The following MAPK8IP3 variants were observed in gnomAD, a reference collection of about 807,000 sequenced individuals.
The protein encoded by MAPK8IP3 is mitogen-activated protein kinase 8 interacting protein 3.
In MAPK8IP3, 49 loss-of-function variants were observed where a neutral mutation model predicts 157.8. The ratio of observed to expected loss-of-function variants is 0.31; its 90% CI spans 0.25 to 0.39. MAPK8IP3 has a LOEUF of 0.39. MAPK8IP3 is among the 10% of genes least tolerant of loss of function. The pLI, the probability that MAPK8IP3 is intolerant of heterozygous loss-of-function variation, is 1.00. For missense variants in MAPK8IP3, 1,478 were observed against 1,889.4 expected (o/e 0.78, Z 4.04); for synonymous variants, 897 against 777.7 (o/e 1.15, Z -2.55).
In MAPK8IP3 at chr16:1,760,556, G is replaced by A. The variant is rs760834101; in HGVS notation, c.1457+24G>A. 10 of 1,599,420 alleles carry A rather than the reference G, an allele frequency of 6.3e-6. No homozygotes were observed. In the South Asian group the frequency reaches 1.0e-4, roughly 16 times the overall value. ...AGGTGAGGGCAGGGCATGGAAAGCT[G>A]GTCAGAGAGGGACCCCGGCCTCAGG... On this transcript the variant is annotated intron_variant, in intron 12 of 31. Coordinates refer to ENST00000610761, the MANE Select transcript of MAPK8IP3 (RefSeq NM_001318852.2).
intron 4 of MAPK8IP3, among the ~76,000 whole-genome samples, chr16:1,731,398 G>A (rs1298670519): frequency 6.6e-6 from 1 of 152,246 alleles, no homozygotes. Flanking sequence ...ACATTAGGGA[G>A]AAACGGGAGT....
intron 1 of MAPK8IP3, among the ~76,000 whole-genome samples, chr16:1,708,721 G>T (rs1041352637): frequency 6.6e-6 from 1 of 152,094 alleles, no homozygotes; most frequent in Admixed American, 6.5e-5. Flanking sequence ...AAGCTGCACC[G>T]AGAGCTTCGG....
At chr16:1,707,562 CTTCA>C (rs1417237413) in intron 1 of MAPK8IP3, 1 of 152,310 alleles carries the variant, frequency 6.6e-6, no homozygotes, top group Non-Finnish European at 1.5e-5. Context: ...CACCACTTAG[CTTCA>C]TTCATTCACC....
Position 1,767,195 on chromosome 16 carries a change from C to A in MAPK8IP3, c.3135C>A (p.His1045Gln). The change falls in exon 26 of 32, where the codon CAC becomes CAA. Residue 1045 changes from histidine to glutamine, a missense_variant. Coordinates refer to ENST00000610761, the MANE Select transcript of MAPK8IP3 (RefSeq NM_001318852.2). The stretch of plus-strand genomic sequence containing the variant: ...ACTATCACCTAATGGACCTGGGCCA[C>A]CCGCACCACTCCATCCGCTGCATGG... The part of the protein sequence containing the change: ...LSNYHLMDLG[H>Q]PHHSIRCMAV... The A allele has an allele frequency of 1.2e-6, 2 of 1,613,360 alleles. No individual in the cohort carries two copies. The highest frequency in any genetic ancestry group is 2.2e-5 in the South Asian group (2 of 91,088).
Position 1,768,485 on chromosome 16 carries a change from C to T in MAPK8IP3, c.3751C>T (p.Leu1251=), listed in dbSNP as rs1193784616. The change falls in exon 31 of 32, where the codon CTG becomes TTG. Residue 1251 remains leucine (L), a synonymous_variant. Transcript: ENST00000610761. The stretch of plus-strand genomic sequence containing the variant: ...CGCTTCTGCCATCCCAGGGAACGTG[C>T]TGGCCACCCTGAATGGGAGTGTGCT... ...KFFVSVPGNV[L]ATLNGSVLDS... is the part of the protein sequence containing the mutation. 5.8e-6 allele frequency: 9 copies of T among 1,563,452 alleles called. No homozygotes were observed. Among genetic ancestry groups the T allele is most frequent in the Non-Finnish European group, 7.8e-6 (9 of 1,158,716 alleles).
At chr16:1,737,982 C>T (rs1180321771) in intron 4 of MAPK8IP3, among the ~76,000 whole-genome samples, 5 of 45,174 alleles carry the variant, frequency 1.1e-4, no homozygotes, top group African/African-American at 5.3e-4. Flanking sequence ...GTGTGACCGT[C>T]CGTGTGACCA....
chr16:1,709,708 C>T (rs2037640686), intron 1 of MAPK8IP3, among the ~76,000 whole-genome samples: 1 of 152,258 alleles, frequency 6.6e-6, no homozygotes, highest in South Asian at 2.1e-4. Flanking sequence ...CCTCCACACG[C>T]ACCGTCCGGT....
chr16:1,751,364 CAGA>C lies in MAPK8IP3; in HGVS notation c.1216+2649_1216+2651del, dbSNP rs2041278442. ...ATCCCAGCTACTCGGGAGACTGAGG[CAGA>C]AGAATTGTTTGAACCCAGGAAGCGG... On this transcript the variant is annotated intron_variant, in intron 8 of 31. Coordinates refer to ENST00000610761, the MANE Select transcript of MAPK8IP3 (RefSeq NM_001318852.2). This position sits in a 1 kb window ranked among gnomAD's most constrained non-coding sequence, Gnocchi z 5.0. Among the ~76,000 whole-genome samples, 2 of 152,168 alleles carry C rather than the reference CAGA, an allele frequency of 1.3e-5. No individual in the cohort carries two copies. The highest frequency in any genetic ancestry group is 2.9e-5 in the Non-Finnish European group (2 of 68,020).
chr16:1,706,350 T>C lies in MAPK8IP3; in HGVS notation c.11T>C (p.Ile4Thr), dbSNP rs1307928549. The C allele has an allele frequency of 1.9e-6, 3 of 1,588,540 alleles. No homozygotes were observed. The highest frequency in any genetic ancestry group is 2.6e-6 in the Non-Finnish European group (3 of 1,168,698). ...GCGGCGGTGGCCGCGATGATGGAGATCCAGATGGACGAGGGCGGCGGCGTG... is the reference window on the plus strand; with the variant it reads ...GCGGCGGTGGCCGCGATGATGGAGACCCAGATGGACGAGGGCGGCGGCGTG... MME[I>T]QMDEGGGVVV... Residue 4 changes from isoleucine to threonine, a missense_variant, in exon 1 of 32, where the codon ATC becomes ACC. Ile to Thr is a moderately conservative substitution (Grantham distance 89). Coordinates refer to ENST00000610761, the MANE Select transcript of MAPK8IP3 (RefSeq NM_001318852.2). The surrounding 1 kb of genome is among the most constrained non-coding windows in gnomAD (Gnocchi z 5.1).
Position 1,767,626 on chromosome 16 carries a change from T to C in MAPK8IP3, c.3300T>C (p.Asp1100=). The C allele has an allele frequency of 6.2e-7, 1 of 1,612,566 alleles. No individual in the cohort carries two copies. Among genetic ancestry groups the C allele is most frequent in the Non-Finnish European group, 8.5e-7 (1 of 1,179,952 alleles). ...TGCGGCAGCTGGCGTGGATCGGCGATGGCGTATGGGTGTCCATCCGCCTGG... is the reference window on the plus strand; with the variant it reads ...TGCGGCAGCTGGCGTGGATCGGCGACGGCGTATGGGTGTCCATCCGCCTGG... ...SQVRQLAWIG[D]GVWVSIRLDS... Residue 1100 remains aspartate, a synonymous_variant, in exon 27 of 32, where the codon GAT becomes GAC. Transcript: ENST00000610761.
chr16:1,752,535 G>A (rs1007754437), intron 8 of MAPK8IP3: 2 of 345,378 alleles, frequency 5.8e-6, no homozygotes, highest in Non-Finnish European at 1.2e-5. Context: ...CTGCGCCTAG[G>A]AGTTCAAGAC....
rs779814924 is a variant in MAPK8IP3 at position 1,766,255 on chromosome 16, C to T, written c.2665C>T (p.Pro889Ser). The change falls in exon 22 of 32, where the codon CCG (proline) becomes TCG (serine). Residue 889 changes from proline (P) to serine (S), a missense_variant. Coordinates refer to ENST00000610761, the MANE Select transcript of MAPK8IP3 (RefSeq NM_001318852.2). ...VATIANGKVN[P>S]SQSTEEATEA... ...CACCATCGCCAACGGGAAGGTCAAC[C>T]CGTCCCAGTCCACAGAGGAGGCCAC... is the stretch of plus-strand genomic sequence containing the variant. 8 of 1,611,938 alleles carry T rather than the reference C, an allele frequency of 5.0e-6. No homozygotes were observed. The African/African-American group carries it at 6.7e-5, about 13-fold the overall frequency.
intron 5 of MAPK8IP3, chr16:1,746,177 C>G (rs1233493728): frequency 6.6e-6 from 1 of 152,278 alleles, no homozygotes; most frequent in Non-Finnish European, 1.5e-5. Context: ...GGGCCACGGG[C>G]AAGCTCTGCC....
chr16:1,756,409 T>TGGGGAGG (rs2041599990), intron 8 of MAPK8IP3, among the ~76,000 whole-genome samples: 2 of 151,478 alleles, frequency 1.3e-5, no homozygotes, highest in Admixed American at 1.3e-4. Flanking sequence ...GGGAGGCTGA[T>TGGGGAGG]GGGGAGGATT....
At chr16:1,709,773 C>G (rs1161478418) in intron 1 of MAPK8IP3, among the ~76,000 whole-genome samples, 7 of 152,238 alleles carry the variant, frequency 4.6e-5, no homozygotes, top group African/African-American at 1.7e-4. Flanking sequence ...CTTACCCGGG[C>G]AGCAAAGAGC....
chr16:1,721,046 A>G (rs1034686395), intron 1 of MAPK8IP3, among the ~76,000 whole-genome samples: 2 of 151,932 alleles, frequency 1.3e-5, no homozygotes, highest in East Asian at 3.9e-4. Context: ...AAAAAAAAAA[A>G]ACAAAACAAG....
intron 2 of MAPK8IP3, among the ~76,000 whole-genome samples, chr16:1,727,580 C>G (rs2038972860): frequency 6.6e-6 from 1 of 151,940 alleles, no homozygotes; most frequent in African/African-American, 2.4e-5. Flanking sequence ...GGTGCTGTGT[C>G]TAAGTCGTGC....
chr16:1,762,690 C>A lies in MAPK8IP3; in HGVS notation c.1686C>A (p.His562Gln). The change falls in exon 15 of 32, where the codon CAC becomes CAA. Residue 562 changes from histidine (H) to glutamine (Q), a missense_variant. Around this residue, in one of 11 missense-constraint regions of MAPK8IP3, gnomAD observed 669 missense variants for 759.8 expected, o/e 0.88. Coordinates refer to ENST00000610761, the MANE Select transcript of MAPK8IP3 (RefSeq NM_001318852.2). The stretch of plus-strand genomic sequence containing the variant: ...TCCCCTGCAGAGCGTCCCGAGAGCA[C>A]CCATCCGTCCAGGAGAAGAAGAAGT... ...WTEMIRASRE[H>Q]PSVQEKKKST... The A allele has an allele frequency of 6.4e-7, 1 of 1,561,988 alleles. No individual in the cohort carries two copies. Among genetic ancestry groups the A allele is most frequent in the Non-Finnish European group, 8.7e-7 (1 of 1,151,932 alleles).
At chr16:1,753,519 C>T (rs189830215) in intron 8 of MAPK8IP3, among the ~76,000 whole-genome samples, 4 of 151,986 alleles carry the variant, frequency 2.6e-5, no homozygotes, top group Admixed American at 2.6e-4. Flanking sequence ...CAGCTCACTG[C>T]AAGCTCCGCC....
Sources: gnomAD v4.1 joint callset for allele counts (sites outside exome capture counted in the v4.1 genomes callset) on GRCh38, gnomAD v4.1.1 for gene constraint, gnomAD v4.1.1 regional missense constraint, Gnocchi (gnomAD v3.1) non-coding constraint, MANE v1.5 for transcripts, NCBI Gene and HGNC (gene_info 2026-07-23, HGNC 2026-07-21) for gene names.